Variants in ATRNL1 observed in about 807,000 individuals in gnomAD.
The protein encoded by ATRNL1 is attractin-like protein 1.
Under a neutral mutation model 182.7 loss-of-function variants are expected in ATRNL1, and 95 were observed. The ratio of observed to expected loss-of-function variants is 0.52; its 90% CI spans 0.44 to 0.62. The LOEUF (loss-of-function observed/expected upper bound fraction) is 0.62. ATRNL1 is among the 20% of genes least tolerant of loss of function. The pLI is 0.00. For missense variants in ATRNL1, 1,471 were observed against 1,679.5 expected (o/e 0.88, Z 2.17); for synonymous variants, 576 against 568.3 (o/e 1.01, Z -0.19).
intron 10 of ATRNL1, among the ~76,000 whole-genome samples, chr10:115,250,138 T>A (rs148343673): frequency 1.3e-5 from 2 of 152,198 alleles, no homozygotes; most frequent in Non-Finnish European, 2.9e-5. Context: ...CTTACACAGA[T>A]TGCTTGTGCC....
chr10:115,570,373 G>T (rs1854318609), intron 26 of ATRNL1, among the ~76,000 whole-genome samples: 1 of 152,182 alleles, frequency 6.6e-6, no homozygotes, highest in Non-Finnish European at 1.5e-5. Context: ...TGGGGGTTAA[G>T]ATTTCAGCAT....
At chr10:115,758,530 C>G (rs1948650465) in intron 27 of ATRNL1, among the ~76,000 whole-genome samples, 1 of 152,208 alleles carries the variant, frequency 6.6e-6, no homozygotes, top group Admixed American at 6.5e-5. Flanking sequence ...CACCAGATGC[C>G]AGCCAGAGCT....
At chr10:115,297,968 T>A (rs1057449513) in intron 15 of ATRNL1, among the ~76,000 whole-genome samples, 1 of 152,126 alleles carries the variant, frequency 6.6e-6, no homozygotes. Context: ...GAACTTAGAC[T>A]TGATAAGTTC....
intron 27 of ATRNL1, among the ~76,000 whole-genome samples, chr10:115,812,408 C>A (rs1356163368): frequency 3.3e-5 from 5 of 152,080 alleles, no homozygotes; most frequent in Non-Finnish European, 1.5e-5. Flanking sequence ...TACATGTAGC[C>A]TTCATAAGCT....
intron 9 of ATRNL1, among the ~76,000 whole-genome samples, chr10:115,238,491 C>G (rs1177796743): frequency 6.6e-6 from 1 of 152,080 alleles, no homozygotes; most frequent in African/African-American, 2.4e-5. Context: ...AAGTATTTCT[C>G]TTCTTTTGGT....
At chr10:115,843,727 G>T (rs1279143254) in intron 27 of ATRNL1, among the ~76,000 whole-genome samples, 1 of 152,040 alleles carries the variant, frequency 6.6e-6, no homozygotes, top group African/African-American at 2.4e-5. Context: ...AGCCTCTTTT[G>T]ACCCAAGACA....
At chr10:115,406,532 C>G (rs1554958301) in intron 20 of ATRNL1, among the ~76,000 whole-genome samples, 1 of 152,010 alleles carries the variant, frequency 6.6e-6, no homozygotes, top group Non-Finnish European at 1.5e-5. Context: ...GTTGGTATTC[C>G]AAGGCATTTT....
At chr10:115,100,981 T>A (rs1843745298) in intron 1 of ATRNL1, among the ~76,000 whole-genome samples, 1 of 152,190 alleles carries the variant, frequency 6.6e-6, no homozygotes, top group East Asian at 1.9e-4. Context: ...TATTTTTGGA[T>A]GCTATTGTAA....
chr10:115,577,202 G>T (rs1555005553), intron 26 of ATRNL1, among the ~76,000 whole-genome samples: 1 of 151,476 alleles, frequency 6.6e-6, no homozygotes, highest in Non-Finnish European at 1.5e-5. Context: ...GATTGTTGTG[G>T]CTATTTAGAG....
chr10:115,570,316 T>C (rs1854314937), intron 26 of ATRNL1, among the ~76,000 whole-genome samples: 1 of 152,166 alleles, frequency 6.6e-6, no homozygotes, highest in Non-Finnish European at 1.5e-5. Context: ...TCTGCCCTCA[T>C]AATCTAAACA....
At chr10:115,717,545 G>GTTATTTTTTT (rs1555056622) in intron 26 of ATRNL1, among the ~76,000 whole-genome samples, 1 of 65,230 alleles carries the variant, frequency 1.5e-5, no homozygotes, top group Non-Finnish European at 3.3e-5. Flanking sequence ...TGCCTGAAAT[G>GTTATTTTTTT]TTCTTTTTTT....
chr10:115,101,738 A>G (rs1843777136), intron 1 of ATRNL1, among the ~76,000 whole-genome samples: 1 of 152,092 alleles, frequency 6.6e-6, no homozygotes, highest in Non-Finnish European at 1.5e-5. Context: ...TCTCCTGATC[A>G]TTTGCTGAAA....
intron 27 of ATRNL1, among the ~76,000 whole-genome samples, chr10:115,823,068 A>G (rs1950341858): frequency 6.6e-6 from 1 of 152,216 alleles, no homozygotes; most frequent in South Asian, 2.1e-4. Flanking sequence ...CAGCACATCA[A>G]AAAGCTTATT....
chr10:115,420,448 C>A (rs1845600225), intron 20 of ATRNL1, among the ~76,000 whole-genome samples: 1 of 151,894 alleles, frequency 6.6e-6, no homozygotes, highest in Non-Finnish European at 1.5e-5. Flanking sequence ...TGTATACGTA[C>A]ATGGAAATTA....
chr10:115,719,343 A>G (rs1330507465), intron 26 of ATRNL1, among the ~76,000 whole-genome samples: 1 of 152,212 alleles, frequency 6.6e-6, no homozygotes, highest in Non-Finnish European at 1.5e-5. Flanking sequence ...CAAGTAGAAG[A>G]TAAAAACAAG....
intron 26 of ATRNL1, among the ~76,000 whole-genome samples, chr10:115,673,735 C>CA (rs1945773285): frequency 1.3e-5 from 2 of 152,048 alleles, no homozygotes; most frequent in Non-Finnish European, 2.9e-5. Flanking sequence ...GACTTTGCTC[C>CA]TTCCCCATAA....
chr10:115,823,435 A>C (rs1157964663), intron 27 of ATRNL1, among the ~76,000 whole-genome samples: 1 of 152,196 alleles, frequency 6.6e-6, no homozygotes, highest in Non-Finnish European at 1.5e-5. Context: ...CAGGGCAATC[A>C]GGCAAGAGAA....
intron 27 of ATRNL1, among the ~76,000 whole-genome samples, chr10:115,837,997 C>T (rs1295580379): frequency 6.6e-6 from 1 of 152,142 alleles, no homozygotes; most frequent in African/African-American, 2.4e-5. Flanking sequence ...TTTTGCCAGT[C>T]ACTATGCTAA....
intron 26 of ATRNL1, among the ~76,000 whole-genome samples, chr10:115,694,941 G>GCA (rs10580753): frequency 0.04 from 5,783 of 144,878 alleles, 363 homozygotes; most frequent in African/African-American, 0.13. Context: ...ATGCACACAC[G>GCA]CACACACACA....
Sources: gnomAD v4.1 joint callset for allele counts (sites outside exome capture counted in the v4.1 genomes callset) on GRCh38, gnomAD v4.1.1 for gene constraint, MANE v1.5 for transcripts, NCBI Gene and HGNC (gene_info 2026-07-23, HGNC 2026-07-21) for gene names.